The following SAMTOR variants were observed in gnomAD, a reference collection of about 807,000 sequenced individuals.
The protein encoded by SAMTOR is S-adenosylmethionine sensor upstream of mTORC1.
chr7:112,858,468 TA>T, the SAMTOR span, among the ~76,000 whole-genome samples: 1 of 152,048 alleles, frequency 6.6e-6, no homozygotes, highest in Non-Finnish European at 1.5e-5. Flanking sequence ...TCTGAGATAG[TA>T]AAATCATTAC....
At chr7:112,851,019 G>A in the SAMTOR span, among the ~76,000 whole-genome samples, 3 of 152,246 alleles carry the variant, frequency 2.0e-5, no homozygotes, top group African/African-American at 4.8e-5. Context: ...AACCAAGGAG[G>A]TGAAAAGTCT....
chr7:112,898,051 C>T, the SAMTOR span, among the ~76,000 whole-genome samples: 1 of 152,212 alleles, frequency 6.6e-6, no homozygotes, highest in Admixed American at 6.5e-5. Context: ...CCATGTTGCC[C>T]TGTCACAGTG....
chr7:112,922,793 GC>G, the SAMTOR span, among the ~76,000 whole-genome samples: 1 of 151,192 alleles, frequency 6.6e-6, no homozygotes. Context: ...GTGGGGGTCA[GC>G]CCCCGCCAGG....
At chr7:112,938,294 C>T in the SAMTOR span, among the ~76,000 whole-genome samples, 1 of 152,154 alleles carries the variant, frequency 6.6e-6, no homozygotes, top group African/African-American at 2.4e-5. Context: ...CTTTCTATTG[C>T]TATCTGTTAA....
chr7:112,851,857 T>G, the SAMTOR span, among the ~76,000 whole-genome samples: 1 of 152,124 alleles, frequency 6.6e-6, no homozygotes, highest in East Asian at 1.9e-4. Context: ...GAACAGACAT[T>G]CTTCCAAAGA....
the SAMTOR span, chr7:112,820,714 A>G: frequency 6.6e-6 from 1 of 152,042 alleles, no homozygotes; most frequent in African/African-American, 2.4e-5. Context: ...TTTCTGATAA[A>G]GTTTAGATAG....
the SAMTOR span, among the ~76,000 whole-genome samples, chr7:112,913,640 C>T: frequency 3.3e-5 from 5 of 152,200 alleles, no homozygotes; most frequent in Non-Finnish European, 7.3e-5. Flanking sequence ...AAATGGCCCA[C>T]AAGACCCTAC....
At chr7:112,863,953 T>C in the SAMTOR span, among the ~76,000 whole-genome samples, 1 of 152,234 alleles carries the variant, frequency 6.6e-6, no homozygotes, top group African/African-American at 2.4e-5. Context: ...TGCACATGTA[T>C]GTTCACTGCA....
At chr7:112,854,977 T>C in the SAMTOR span, among the ~76,000 whole-genome samples, 1 of 152,196 alleles carries the variant, frequency 6.6e-6, no homozygotes, top group African/African-American at 2.4e-5. Flanking sequence ...TTTGTGTTGC[T>C]ATCATCATGA....
the SAMTOR span, chr7:112,820,000 G>C: frequency 6.6e-6 from 1 of 152,302 alleles, no homozygotes; most frequent in African/African-American, 2.4e-5. Context: ...TAATCCTTCA[G>C]TGCTTAACTG....
At chr7:112,904,972 A>T in the SAMTOR span, among the ~76,000 whole-genome samples, 2 of 152,172 alleles carry the variant, frequency 1.3e-5, no homozygotes, top group Admixed American at 1.3e-4. Context: ...TTAAGGTGGT[A>T]AACTTACTTG....
the SAMTOR span, among the ~76,000 whole-genome samples, chr7:112,857,329 G>A: frequency 6.8e-6 from 1 of 147,372 alleles, no homozygotes; most frequent in Non-Finnish European, 1.5e-5. Context: ...CTGACCTCAT[G>A]ATCCACCCGC....
At chr7:112,824,189 T>C in the SAMTOR span, among the ~76,000 whole-genome samples, 1 of 152,168 alleles carries the variant, frequency 6.6e-6, no homozygotes, top group Non-Finnish European at 1.5e-5. Context: ...TGATGAAGAC[T>C]AATTTATCAA....
chr7:112,884,111 C>G, the SAMTOR span, among the ~76,000 whole-genome samples: 1 of 152,312 alleles, frequency 6.6e-6, no homozygotes, highest in East Asian at 1.9e-4. Flanking sequence ...CTTGTGAGAA[C>G]TCACTCACTA....
At chr7:112,845,360 C>A in the SAMTOR span, among the ~76,000 whole-genome samples, 1 of 152,058 alleles carries the variant, frequency 6.6e-6, no homozygotes, top group Non-Finnish European at 1.5e-5. Context: ...GGTCCAATAT[C>A]CAGCATCTAT....
the SAMTOR span, among the ~76,000 whole-genome samples, chr7:112,891,119 G>A: frequency 6.6e-6 from 1 of 152,096 alleles, no homozygotes; most frequent in East Asian, 1.9e-4. Context: ...GAAATCTAAA[G>A]TTGATATTTT....
the SAMTOR span, chr7:112,915,519 A>C: frequency 1.6e-6 from 2 of 1,226,830 alleles, no homozygotes; most frequent in South Asian, 2.4e-5. Context: ...GTTTTAGCAC[A>C]ATCTGAAATT....
the SAMTOR span, among the ~76,000 whole-genome samples, chr7:112,862,285 T>C: frequency 6.6e-6 from 1 of 152,124 alleles, no homozygotes; most frequent in Non-Finnish European, 1.5e-5. Flanking sequence ...ATGGAAAACA[T>C]GGAAGAGATC....
chr7:112,898,933 A>ATT, the SAMTOR span, among the ~76,000 whole-genome samples: 1 of 152,222 alleles, frequency 6.6e-6, no homozygotes, highest in African/African-American at 2.4e-5. Flanking sequence ...TACTTTAGAT[A>ATT]AACTCTGAAT....
Sources: gnomAD v4.1 joint callset for allele counts (sites outside exome capture counted in the v4.1 genomes callset) on GRCh38, gnomAD v4.1.1 for gene constraint, MANE v1.5 for transcripts, NCBI Gene and HGNC (gene_info 2026-07-23, HGNC 2026-07-21) for gene names.